Variants in MTHFD1L observed in about 807,000 individuals in gnomAD.
MTHFD1L encodes the protein monofunctional C1-tetrahydrofolate synthase, mitochondrial.
In MTHFD1L, 81 loss-of-function variants were observed where a neutral mutation model predicts 119.5. That is an observed-to-expected ratio of 0.68 (90% confidence interval 0.57 to 0.82). MTHFD1L has a LOEUF of 0.82. MTHFD1L is among the 40% of genes least tolerant of loss of function. The pLI is 0.00. For synonymous variants in MTHFD1L, 430 were observed against 475.2 expected (o/e 0.90, Z 1.24); for missense variants, 1,125 against 1,253.4 (o/e 0.90, Z 1.55).
At chr6:150,928,030 C>T (rs550821554) in intron 11 of MTHFD1L, among the ~76,000 whole-genome samples, 1 of 152,286 alleles carries the variant, frequency 6.6e-6, no homozygotes, top group African/African-American at 2.4e-5. Context: ...TTTTAAACTG[C>T]TAGAATTAAC....
intron 8 of MTHFD1L, among the ~76,000 whole-genome samples, chr6:150,907,095 G>C (rs1401559615): frequency 6.7e-6 from 1 of 149,918 alleles, no homozygotes; most frequent in East Asian, 1.9e-4. Flanking sequence ...AGGAAAATCA[G>C]TTCCAACATT....
Position 150,923,324 on chromosome 6 carries a change from G to C in MTHFD1L, c.1082+1022G>C, listed in dbSNP as rs559947223. ...GAATGATTGGGTAGGGATGATGTCT[G>C]AATCAGACAGCTGCATTTTCCAGCC... On this transcript the variant is annotated intron_variant, in intron 10 of 27. Transcript: ENST00000367321. Among the ~76,000 whole-genome samples, 3 of 152,072 alleles carry C rather than the reference G, an allele frequency of 2.0e-5. No homozygotes were observed. In the East Asian group the frequency reaches 5.8e-4, roughly 29 times the overall value.
Position 150,967,693 on chromosome 6 carries a change from G to A in MTHFD1L, c.2013+2656G>A, listed in dbSNP as rs534596273. ...CTCTTCCTGTGTCCATCCCTGCAGAGTTGTCCTTGGTTACATGACTCTGCC... is the reference window on the plus strand; with the variant it reads ...CTCTTCCTGTGTCCATCCCTGCAGAATTGTCCTTGGTTACATGACTCTGCC... On this transcript the variant is annotated intron_variant, in intron 19 of 27. Coordinates refer to ENST00000367321, the MANE Select transcript of MTHFD1L (RefSeq NM_015440.5). Among the ~76,000 whole-genome samples the A allele has an allele frequency of 3.3e-5, 5 of 152,198 alleles. 1 individual carries two copies. In the South Asian group the frequency reaches 1.0e-3, roughly 32 times the overall value.
At chr6:150,988,913 T>C (rs1376039019) in intron 20 of MTHFD1L, among the ~76,000 whole-genome samples, 2 of 151,906 alleles carry the variant, frequency 1.3e-5, no homozygotes, top group Non-Finnish European at 2.9e-5. Flanking sequence ...GCTAATTTTG[T>C]ATTTTTAGTA....
chr6:151,014,958 G>A lies in MTHFD1L; in HGVS notation c.2386G>A (p.Val796Met), dbSNP rs1289793814. Residue 796 changes from valine to methionine, a missense_variant, in exon 23 of 28, where the codon GTG becomes ATG. Val to Met is a conservative substitution (Grantham distance 21). Coordinates refer to ENST00000367321, the MANE Select transcript of MTHFD1L (RefSeq NM_015440.5). ...QITQLFGVPV[V>M]VALNVFKTDT... is the part of the protein sequence containing the mutation. ...CACTCAGCTCTTTGGGGTTCCCGTT[G>A]TGGTGGCTCTGAATGTCTTCAAGTA... 6.2e-7 allele frequency: 1 copy of A among 1,614,110 alleles called. No individual in the cohort carries two copies. Among genetic ancestry groups the A allele is most frequent in the Admixed American group, 1.7e-5 (1 of 60,012 alleles).
In MTHFD1L at chr6:150,960,447, G is replaced by C. The variant is rs754545531; in HGVS notation, c.1944+32G>C. ...GTTTCCAACTCGGAAGCTTCAGGGA[G>C]TGGACGGTCCTCGTTCTTCGTTACC... On this transcript the variant is annotated intron_variant, in intron 18 of 27. Transcript: ENST00000367321. The C allele has an allele frequency of 1.3e-6, 2 of 1,583,246 alleles. 1 individual carries two copies. Among genetic ancestry groups the C allele is most frequent in the South Asian group, 2.3e-5 (2 of 87,650 alleles).
intron 26 of MTHFD1L, among the ~76,000 whole-genome samples, chr6:151,084,048 C>A (rs191630482): frequency 6.6e-5 from 10 of 152,318 alleles, no homozygotes; most frequent in Non-Finnish European, 1.0e-4. Context: ...TCCCGAAATA[C>A]AAGAAATTCA....
At chr6:150,997,341 T>G (rs1005778498) in intron 20 of MTHFD1L, among the ~76,000 whole-genome samples, 1 of 152,092 alleles carries the variant, frequency 6.6e-6, no homozygotes. Context: ...GAACAGAGCT[T>G]GACTGAAGAT....
At chr6:150,866,813 C>T (rs1183084460) in intron 1 of MTHFD1L, among the ~76,000 whole-genome samples, 1 of 152,204 alleles carries the variant, frequency 6.6e-6, no homozygotes, top group Non-Finnish European at 1.5e-5. Context: ...GGTCCCCGCC[C>T]CTGGGCTCCA....
At chr6:150,914,351 GTAAT>G (rs1787485443) in intron 8 of MTHFD1L, among the ~76,000 whole-genome samples, 1 of 152,182 alleles carries the variant, frequency 6.6e-6, no homozygotes, top group South Asian at 2.1e-4. Context: ...TTAAAAAACA[GTAAT>G]TAAAAGGACC....
chr6:151,015,641 T>C lies in MTHFD1L; in HGVS notation c.2534T>C (p.Val845Ala), dbSNP rs1332719481. 6.2e-7 allele frequency: 1 copy of C among 1,613,984 alleles called. No individual in the cohort carries two copies. Among genetic ancestry groups the C allele is most frequent in the Non-Finnish European group, 8.5e-7 (1 of 1,180,018 alleles). ...GKGSVDLARAVREAASKRSRF... is the reference protein window; with the variant it reads ...GKGSVDLARAAREAASKRSRF... ...GGATCGGTGGACTTGGCTCGGGCTG[T>C]GAGAGAGGCTGCGAGTAAAAGAAGC... The change falls in exon 24 of 28, where the codon GTG (valine) becomes GCG (alanine). Residue 845 changes from valine (V) to alanine (A), a missense_variant. This residue lies in a region of MTHFD1L where 1,058 missense variants were observed against 1,151.2 expected (regional missense o/e 0.92). Coordinates refer to ENST00000367321, the MANE Select transcript of MTHFD1L (RefSeq NM_015440.5).
intron 5 of MTHFD1L, among the ~76,000 whole-genome samples, chr6:150,884,530 A>C (rs1781905542): frequency 6.6e-6 from 1 of 152,168 alleles, no homozygotes; most frequent in Non-Finnish European, 1.5e-5. Context: ...AAAGGAGAAG[A>C]AGCACTAATC....
At chr6:150,981,525 A>G (rs763451644) in intron 20 of MTHFD1L, among the ~76,000 whole-genome samples, 3 of 152,194 alleles carry the variant, frequency 2.0e-5, no homozygotes, top group Non-Finnish European at 4.4e-5. Context: ...TTTATATATT[A>G]ATAGATATTA....
At chr6:151,064,729 C>T (rs1382524285) in intron 26 of MTHFD1L, among the ~76,000 whole-genome samples, 1 of 151,950 alleles carries the variant, frequency 6.6e-6, no homozygotes, top group Non-Finnish European at 1.5e-5. Flanking sequence ...ACTCATAGCT[C>T]ATAACTTTTC....
intron 17 of MTHFD1L, among the ~76,000 whole-genome samples, chr6:150,959,700 A>G (rs774742431): frequency 6.6e-6 from 1 of 152,188 alleles, no homozygotes; most frequent in Admixed American, 6.5e-5. Context: ...GGAAGCCAGC[A>G]TCTTTCACTG....
chr6:150,934,064 A>G (rs1352585071), intron 11 of MTHFD1L, among the ~76,000 whole-genome samples: 2 of 145,296 alleles, frequency 1.4e-5, no homozygotes, highest in East Asian at 1.9e-4. Flanking sequence ...TACCCATTCC[A>G]TGCTTTAAAT....
intron 8 of MTHFD1L, among the ~76,000 whole-genome samples, chr6:150,909,088 G>T (rs1212809541): frequency 2.6e-5 from 4 of 152,062 alleles, no homozygotes; most frequent in Non-Finnish European, 5.9e-5. Flanking sequence ...ACATTTTATG[G>T]AATACGTAAT....
At chr6:150,888,900 C>T (rs762114832) in intron 7 of MTHFD1L, among the ~76,000 whole-genome samples, 18 of 152,304 alleles carry the variant, frequency 1.2e-4, no homozygotes, top group African/African-American at 2.4e-4. Flanking sequence ...AAAGGCCGGG[C>T]GTGGTGGCTC....
chr6:150,942,772 G>C (rs1399085633), intron 13 of MTHFD1L, among the ~76,000 whole-genome samples: 1 of 151,594 alleles, frequency 6.6e-6, no homozygotes, highest in Non-Finnish European at 1.5e-5. Context: ...GTTTTCTCCA[G>C]TTAACATTAT....
Sources: allele counts gnomAD v4.1 joint callset (sites outside exome capture counted in the v4.1 genomes callset), GRCh38; gene constraint gnomAD v4.1.1; regional missense constraint gnomAD v4.1.1; transcripts MANE v1.5; gene names NCBI Gene and HGNC (gene_info 2026-07-23, HGNC 2026-07-21).